PACSIN1: variants seen among roughly 807,000 people sequenced by gnomAD.
The protein encoded by PACSIN1 is protein kinase C and casein kinase substrate in neurons 1.
Under a neutral mutation model 59.5 loss-of-function variants are expected in PACSIN1, and 15 were observed. The ratio of observed to expected loss-of-function variants is 0.25; its 90% CI spans 0.17 to 0.39. The LOEUF (loss-of-function observed/expected upper bound fraction) is 0.39, where lower values mean the gene tolerates loss of function less well. PACSIN1 is among the 10% of genes least tolerant of loss of function. The probability of loss-of-function intolerance (pLI) is 1.00; values close to 1 mark genes in which losing one functional copy is unlikely to be tolerated. For missense variants in PACSIN1, 420 were observed against 580.2 expected, an observed-to-expected ratio of 0.72 and a Z score of 2.84; for synonymous variants, 210 against 220.6, an observed-to-expected ratio of 0.95 and a Z score of 0.42.
At chr6:34,482,769 A>C (rs1581960102) in intron 1 of PACSIN1, among the ~76,000 whole-genome samples, 1 of 140,644 alleles carries the variant, frequency 7.1e-6, no homozygotes, top group Non-Finnish European at 1.5e-5. Flanking sequence ...AACCTTCCCC[A>C]CCTCCCGGGT....
chr6:34,506,901 ACT>A (rs1236895598), intron 1 of PACSIN1, among the ~76,000 whole-genome samples: 2 of 151,870 alleles, frequency 1.3e-5, no homozygotes, highest in African/African-American at 2.4e-5. Context: ...CTCATTCTTC[ACT>A]GTTGTCACCC....
intron 1 of PACSIN1, among the ~76,000 whole-genome samples, chr6:34,466,585 G>A (rs924923133): frequency 2.0e-5 from 3 of 152,210 alleles, no homozygotes; most frequent in Non-Finnish European, 2.9e-5. Context: ...GCCTGGGCCC[G>A]GGCGGTCCGG....
In PACSIN1 at chr6:34,525,507, G is replaced by A. The variant is rs1229958641; in HGVS notation, c.-63-736G>A. Among the ~76,000 whole-genome samples the A allele has an allele frequency of 2.6e-5, 4 of 152,220 alleles. No homozygotes were observed. The highest frequency in any genetic ancestry group is 4.4e-5 in the Non-Finnish European group (3 of 68,032). On this transcript the variant is annotated intron_variant, in intron 1 of 9. Coordinates refer to ENST00000244458, the MANE Select transcript of PACSIN1 (RefSeq NM_020804.5). The surrounding 1 kb of genome is among the most constrained non-coding windows in gnomAD (Gnocchi z 4.9). The stretch of plus-strand genomic sequence containing the variant: ...AAGCAGGGAGGTGTCCCCTGGTGCC[G>A]GGATCCAGCTAGAGGCTGGCAGCTT...
Position 34,528,891 on chromosome 6 carries a change from G to C in PACSIN1, c.456+14G>C. 1.3e-6 allele frequency: 2 copies of C among 1,491,972 alleles called. No homozygotes were observed. The highest frequency in any genetic ancestry group is 1.8e-6 in the Non-Finnish European group (2 of 1,081,238). The allele number at this position is 1,491,972 out of a possible 1,614,324, so 92.4% of individuals were successfully genotyped here. On this transcript the variant is annotated intron_variant, in intron 4 of 9. Transcript: ENST00000244458. ...AAGATGAAGGAGGTGCTCAGTGGGT[G>C]CTGCCACGGGCGGGGTGGGGTGGGC...
chr6:34,477,334 A>G (rs1561955435), intron 1 of PACSIN1, among the ~76,000 whole-genome samples: 1 of 152,046 alleles, frequency 6.6e-6, no homozygotes. Flanking sequence ...CTATTTAAAA[A>G]AAAAAGAAAA....
chr6:34,474,499 C>T (rs759624260), intron 1 of PACSIN1, among the ~76,000 whole-genome samples: 1 of 152,112 alleles, frequency 6.6e-6, no homozygotes, highest in Non-Finnish European at 1.5e-5. Context: ...AGCCCAGAAT[C>T]CTATAACAGG....
rs577449665 is a variant in PACSIN1 at position 34,514,634 on chromosome 6, C to A, written c.-63-11609C>A. On this transcript the variant is annotated intron_variant, in intron 1 of 9. Transcript: ENST00000244458. The surrounding 1 kb of genome is among the most constrained non-coding windows in gnomAD (Gnocchi z 4.4). ...GGGCTTCCCAGTCGAGGGCGGCGGC[C>A]GAGCCTGTGTCCCCACCAGCGTCTC... Among the ~76,000 whole-genome samples the A allele has an allele frequency of 2.6e-5, 4 of 151,734 alleles. No individual in the cohort carries two copies. The East Asian group carries it at 7.7e-4, about 29-fold the overall frequency.
At chr6:34,523,741 T>G (rs113918129) in intron 1 of PACSIN1, among the ~76,000 whole-genome samples, 7,687 of 152,170 alleles carry the variant, frequency 0.051, 355 homozygotes, top group African/African-American at 0.11. Context: ...TTGTCCAGAG[T>G]TGAGCCTCCT....
intron 1 of PACSIN1, among the ~76,000 whole-genome samples, chr6:34,517,986 C>T (rs1318483261): frequency 1.3e-5 from 2 of 152,166 alleles, no homozygotes; most frequent in Non-Finnish European, 2.9e-5. Flanking sequence ...GTCGTGGGGG[C>T]CTATGATTCT....
chr6:34,511,935 G>A (rs3857562), intron 1 of PACSIN1, among the ~76,000 whole-genome samples: 70,196 of 151,778 alleles, frequency 0.46, 16,412 homozygotes, highest in South Asian at 0.53. Context: ...CATGAGGGCC[G>A]CTGCCCTGTG....
intron 1 of PACSIN1, among the ~76,000 whole-genome samples, chr6:34,476,935 A>C (rs1371737675): frequency 6.6e-6 from 1 of 152,224 alleles, no homozygotes; most frequent in Non-Finnish European, 1.5e-5. Context: ...GGTAATGGGC[A>C]TCTATGAGGC....
intron 1 of PACSIN1, among the ~76,000 whole-genome samples, chr6:34,470,754 G>T (rs1256236340): frequency 6.6e-6 from 1 of 152,054 alleles, no homozygotes; most frequent in Non-Finnish European, 1.5e-5. Context: ...GTAGGGGCTA[G>T]GGTAGTCTTT....
chr6:34,529,394 C>T lies in PACSIN1; in HGVS notation c.457-3C>T, dbSNP rs912217230. 1.9e-6 allele frequency: 3 copies of T among 1,614,002 alleles called. No homozygotes were observed. Among genetic ancestry groups the T allele is most frequent in the African/African-American group, 2.7e-5 (2 of 74,884 alleles). On this transcript the variant is annotated splice_region_variant and splice_polypyrimidine_tract_variant and intron_variant, in intron 4 of 9. Coordinates refer to ENST00000244458, the MANE Select transcript of PACSIN1 (RefSeq NM_020804.5). This position sits in a 1 kb window ranked among gnomAD's most constrained non-coding sequence, Gnocchi z 6.3. ...CCTACTCCCTATTCCCCCCTCCCCA[C>T]AGCTGGAGGCAGCCAAGAAGGCCTA...
chr6:34,513,640 C>T (rs1767239799), intron 1 of PACSIN1, among the ~76,000 whole-genome samples: 2 of 151,912 alleles, frequency 1.3e-5, no homozygotes, highest in Non-Finnish European at 2.9e-5. Context: ...CTCCAAGTAC[C>T]GATGCTAGAG....
In PACSIN1 at chr6:34,525,655, G is replaced by C. The variant is rs1236969707; in HGVS notation, c.-63-588G>C. ...CTGGGGTAACAGTGAGGCCTGGCTG[G>C]GGGAAGGGAGGAGGGGAGTACCCAC... On this transcript the variant is annotated intron_variant, in intron 1 of 9. Transcript: ENST00000244458. This position sits in a 1 kb window ranked among gnomAD's most constrained non-coding sequence, Gnocchi z 4.9. 5.3e-5 allele frequency among the ~76,000 whole-genome samples: 8 copies of C among 152,208 alleles called. No homozygotes were observed. Among genetic ancestry groups the C allele is most frequent in the Non-Finnish European group, 1.2e-4 (8 of 68,026 alleles).
chr6:34,532,284 T>C lies in PACSIN1; in HGVS notation c.1226-137T>C. 1.6e-6 allele frequency: 1 copy of C among 632,112 alleles called. No individual in the cohort carries two copies. The allele number at this position is 632,112 out of a possible 1,614,324, so 39.2% of individuals were successfully genotyped here. On this transcript the variant is annotated intron_variant, in intron 9 of 9. Transcript: ENST00000244458. The surrounding 1 kb of genome is among the most constrained non-coding windows in gnomAD (Gnocchi z 5.2). ...ATGTTGGCGTGGGACTGGGGCTGGT[T>C]TCCAGGGGCGGGGCCTAAGAATCTA...
chr6:34,527,229 G>A, intron 2 of PACSIN1, 103 bp from the exon 3 acceptor site: 1 of 1,190,460 alleles, frequency 8.4e-7, no homozygotes, highest in East Asian at 3.2e-5. Flanking sequence ...CCGTAAGCGG[G>A]GAGGCGGGGC....
intron 1 of PACSIN1, among the ~76,000 whole-genome samples, chr6:34,472,452 C>T (rs1052343202): frequency 3.9e-5 from 6 of 152,056 alleles, no homozygotes; most frequent in African/African-American, 9.7e-5. Flanking sequence ...AGGGAGAATG[C>T]GTCCTCTTTA....
chr6:34,527,404 G>T lies in PACSIN1; in HGVS notation c.136G>T (p.Val46Leu). Residue 46 changes from valine to leucine, a missense_variant, in exon 3 of 10, where the codon GTG (valine) becomes TTG (leucine). Coordinates refer to ENST00000244458, the MANE Select transcript of PACSIN1 (RefSeq NM_020804.5). ...HRLCNDLMNC[V>L]QERAKIEKAY... The stretch of plus-strand genomic sequence containing the variant: ...TCTATGCAACGACCTGATGAACTGC[G>T]TGCAGGAGCGCGCCAAGATCGAGAA... 6.2e-7 allele frequency: 1 copy of T among 1,600,498 alleles called. No homozygotes were observed. The highest frequency in any genetic ancestry group is 1.1e-5 in the South Asian group (1 of 88,462).
Sources: gnomAD v4.1 joint callset for allele counts (sites outside exome capture counted in the v4.1 genomes callset) on GRCh38, gnomAD v4.1.1 for gene constraint, Gnocchi (gnomAD v3.1) non-coding constraint, MANE v1.5 for transcripts, NCBI Gene and HGNC (gene_info 2026-07-23, HGNC 2026-07-21) for gene names.